Variants in PHIP observed in about 807,000 individuals in gnomAD.
PHIP encodes the protein PHIP subunit of CUL4-Ring ligase complex.
A neutral mutation model predicts 236.8 loss-of-function variants in PHIP; 54 were observed. The ratio of observed to expected loss-of-function variants is 0.23; its 90% CI spans 0.18 to 0.29. The LOEUF is 0.29. PHIP is among the 10% of genes least tolerant of loss of function. The pLI, the probability that PHIP is intolerant of heterozygous loss-of-function variation, is 1.00. For synonymous variants in PHIP, 756 were observed against 718.9 expected (o/e 1.05, Z -0.83); for missense variants, 1,370 against 2,190.8 (o/e 0.63, Z 7.48).
intron 9 of PHIP, 60 bp from the exon 10 acceptor site, chr6:79,019,219 A>G (rs1219675326): frequency 8.2e-6 from 10 of 1,226,298 alleles, no homozygotes; most frequent in Non-Finnish European, 1.2e-5. Flanking sequence ...CAGCAGAAAT[A>G]ATCTGTTTCA....
rs138666950 is a variant in PHIP at position 79,066,161 on chromosome 6, C to T, written c.190-5343G>A. Among the ~76,000 whole-genome samples, 715 of 152,112 alleles carry T rather than the reference C, an allele frequency of 4.7e-3. 8 individuals carry two copies. The highest frequency in any genetic ancestry group is 0.016 in the African/African-American group (683 of 41,516). ...CTCAAGATCCCCAATTTCTGATATA[C>T]GAGTTACTTTCTGTGACCCTAAGTG... is the stretch of plus-strand genomic sequence containing the variant. On this transcript the variant is annotated intron_variant, in intron 4 of 39. Transcript: ENST00000275034.
chr6:79,061,802 T>C (rs1373341894), intron 4 of PHIP, among the ~76,000 whole-genome samples: 1 of 152,148 alleles, frequency 6.6e-6, no homozygotes, highest in East Asian at 1.9e-4. Context: ...TACCAAGTAA[T>C]GGCAACTTTA....
chr6:78,986,634 C>T (rs2127720627), intron 21 of PHIP, among the ~76,000 whole-genome samples: 1 of 152,282 alleles, frequency 6.6e-6, no homozygotes, highest in East Asian at 1.9e-4. Flanking sequence ...AATGGTGTTA[C>T]TTACTTGCTG....
Position 78,947,784 on chromosome 6 carries a change from G to A in PHIP, c.4054-9C>T, listed in dbSNP as rs749695895. On this transcript the variant is annotated splice_polypyrimidine_tract_variant and intron_variant, in intron 35 of 39. Transcript: ENST00000275034. Reference sequence around the variant, plus strand: ...ATGATGTCTCTGTAGTCCTAGGAGAGGGAAAACAGGTGGTGTTATGATTAT... The same window carrying A: ...ATGATGTCTCTGTAGTCCTAGGAGAAGGAAAACAGGTGGTGTTATGATTAT... The A allele has an allele frequency of 7.5e-6, 12 of 1,591,074 alleles. No individual in the cohort carries two copies. The highest frequency in any genetic ancestry group is 1.0e-5 in the Non-Finnish European group (12 of 1,163,638).
chr6:79,034,716 T>C (rs566250410), intron 7 of PHIP, among the ~76,000 whole-genome samples: 2 of 152,324 alleles, frequency 1.3e-5, no homozygotes, highest in East Asian at 3.9e-4. Flanking sequence ...GAAGTCAATT[T>C]AGGCCCAGAT....
Position 78,955,829 on chromosome 6 carries a change from C to T in PHIP, c.3783-147G>A, listed in dbSNP as rs1766384784. On this transcript the variant is annotated intron_variant, in intron 32 of 39. Transcript: ENST00000275034. The stretch of plus-strand genomic sequence containing the variant: ...CATTGGCTTACTCCAATAATTTATG[C>T]ACACACATTTAACCCTGACCCCTCC... The T allele has an allele frequency of 6.6e-6, 3 of 454,860 alleles. No homozygotes were observed. The South Asian group carries it at 1.1e-4, about 17-fold the overall frequency. The allele number at this position is 454,860 out of a possible 1,614,324, so 28.2% of individuals were successfully genotyped here.
intron 19 of PHIP, among the ~76,000 whole-genome samples, chr6:78,992,098 G>T (rs1222343075): frequency 1.3e-5 from 2 of 151,504 alleles, no homozygotes; most frequent in Non-Finnish European, 2.9e-5. Context: ...GAGTAGCTGG[G>T]ACTACATGCG....
At position 78,991,964 on chromosome 6, in the gene PHIP, CTTT is replaced by C. The variant is rs1250908263; in HGVS notation, c.2202-982_2202-980del. ...TTTATCCAGTTCCCCCAAATAGTAA[CTTT>C]TTTTTTTTTTTTTTGAGATGGAGTC... On this transcript the variant is annotated intron_variant, in intron 19 of 39. Transcript: ENST00000275034. Among the ~76,000 whole-genome samples the C allele has an allele frequency of 7.1e-4, 94 of 133,022 alleles. 1 individual carries two copies. The South Asian group carries it at 9.0e-3, about 13-fold the overall frequency. 87.3% of individuals were successfully genotyped at this position (133,022 alleles called of 152,430 possible).
chr6:79,003,331 G>C lies in PHIP; in HGVS notation c.1653+399C>G, dbSNP rs185435540. On this transcript the variant is annotated intron_variant, in intron 16 of 39. Transcript: ENST00000275034. The stretch of plus-strand genomic sequence containing the variant: ...CAGGTAATATAATACATTTTTAAGA[G>C]CCACATGAAAGCCACAGATTTGTAC... Among the ~76,000 whole-genome samples, 959 of 151,848 alleles carry C rather than the reference G, an allele frequency of 6.3e-3. 18 individuals are homozygous for C. Among genetic ancestry groups the C allele is most frequent in the African/African-American group, 0.022 (903 of 41,426 alleles).
intron 35 of PHIP, among the ~76,000 whole-genome samples, chr6:78,949,624 C>T (rs1035564125): frequency 6.6e-6 from 1 of 152,106 alleles, no homozygotes; most frequent in African/African-American, 2.4e-5. Context: ...CAAAACCTAG[C>T]ACTTCCCCTG....
intron 9 of PHIP, among the ~76,000 whole-genome samples, chr6:79,020,097 G>GA (rs1440237328): frequency 1.3e-5 from 2 of 151,742 alleles, no homozygotes; most frequent in African/African-American, 2.4e-5. Flanking sequence ...TCATTTACTG[G>GA]AAAAAAGTAT....
intron 20 of PHIP, among the ~76,000 whole-genome samples, chr6:78,989,583 G>C (rs958613833): frequency 2.0e-5 from 3 of 152,046 alleles, no homozygotes; most frequent in Non-Finnish European, 4.4e-5. Flanking sequence ...ATAATAACTG[G>C]TTATTCCAGT....
chr6:79,007,970 T>C (rs952831534), intron 15 of PHIP, among the ~76,000 whole-genome samples: 4 of 152,096 alleles, frequency 2.6e-5, no homozygotes, highest in Non-Finnish European at 4.4e-5. Context: ...CTGGTCAACA[T>C]GGTGAAGCCC....
At chr6:78,961,256 C>T (rs6940635) in intron 31 of PHIP, among the ~76,000 whole-genome samples, 142,332 of 151,940 alleles carry the variant, frequency 0.94, 66,733 homozygotes, top group East Asian at 1. Context: ...AAGCTGAATA[C>T]AGGCAAAATA....
chr6:78,952,662 C>G (rs1441733287), intron 35 of PHIP, among the ~76,000 whole-genome samples: 1 of 151,988 alleles, frequency 6.6e-6, no homozygotes, highest in East Asian at 1.9e-4. Context: ...CTTACTATCT[C>G]TTTAGTCTGT....
Position 78,992,203 on chromosome 6 carries a change from C to T in PHIP, c.2202-1218G>A, listed in dbSNP as rs531174358. Among the ~76,000 whole-genome samples the T allele has an allele frequency of 3.7e-4, 56 of 151,896 alleles. No individual in the cohort carries two copies. In the South Asian group the frequency reaches 0.011, roughly 31 times the overall value. ...GGTCTCGATCTCCTGACCTCGTGAT[C>T]CCCCCCACCTCGGCCTCCCAAAGTG... is the stretch of plus-strand genomic sequence containing the variant. On this transcript the variant is annotated intron_variant, in intron 19 of 39. Coordinates refer to ENST00000275034, the MANE Select transcript of PHIP (RefSeq NM_017934.7).
At chr6:78,958,644 GA>G in intron 31 of PHIP, 44 bp from the exon 32 acceptor site, 3 of 1,172,508 alleles carry the variant, frequency 2.6e-6, no homozygotes, top group Non-Finnish European at 3.8e-6. Flanking sequence ...CTTATATTTA[GA>G]AATATGTGTA....
chr6:79,028,657 G>A (rs1389328083), intron 7 of PHIP, among the ~76,000 whole-genome samples: 2 of 152,068 alleles, frequency 1.3e-5, no homozygotes, highest in Admixed American at 6.5e-5. Context: ...CACTACATTT[G>A]GTTATCTTCC....
chr6:79,014,388 G>GT (rs565783564), intron 15 of PHIP, among the ~76,000 whole-genome samples: 29 of 151,776 alleles, frequency 1.9e-4, no homozygotes, highest in African/African-American at 5.8e-4. Flanking sequence ...AGTGGAAACT[G>GT]TTTTTTCTTT....
Sources: allele counts gnomAD v4.1 joint callset (sites outside exome capture counted in the v4.1 genomes callset), GRCh38; gene constraint gnomAD v4.1.1; transcripts MANE v1.5; gene names NCBI Gene and HGNC (gene_info 2026-07-23, HGNC 2026-07-21).